Variants in ATG10 observed in about 807,000 individuals in gnomAD.
ATG10 encodes the protein autophagy related 10, also known as ubiquitin-like-conjugating enzyme ATG10.
Under a neutral mutation model 32.1 loss-of-function variants are expected in ATG10, and 30 were observed. The ratio of observed to expected loss-of-function variants is 0.94; its 90% confidence interval spans 0.70 to 1.27. The LOEUF is 1.27. Among genes scored for constraint, ATG10 ranks in the 50% most tolerant of loss-of-function variants. The probability of loss-of-function intolerance (pLI) is 0.00; values close to 1 mark genes in which losing one functional copy is unlikely to be tolerated. For synonymous variants in ATG10, 87 were observed against 91.5 expected (o/e 0.95, Z 0.28); for missense variants, 233 against 262.3 (o/e 0.89, Z 0.77).
intron 2 of ATG10, among the ~76,000 whole-genome samples, chr5:82,009,259 G>T (rs1762063377): frequency 6.6e-6 from 1 of 152,096 alleles, no homozygotes; most frequent in African/African-American, 2.4e-5. Context: ...TTGCCATTGA[G>T]TTCCAGTTAA....
intron 3 of ATG10, among the ~76,000 whole-genome samples, chr5:82,097,074 A>G (rs1240326737): frequency 6.6e-6 from 1 of 152,138 alleles, no homozygotes; most frequent in Non-Finnish European, 1.5e-5. Flanking sequence ...ATGGTTCGTT[A>G]TATCTAAAAT....
chr5:82,004,632 A>C (rs1217993544), intron 2 of ATG10, among the ~76,000 whole-genome samples: 1 of 152,202 alleles, frequency 6.6e-6, no homozygotes, highest in African/African-American at 2.4e-5. Flanking sequence ...TATCCTATCC[A>C]GGCAGCAACC....
intron 5 of ATG10, among the ~76,000 whole-genome samples, chr5:82,196,099 A>G (rs1282618996): frequency 1.3e-4 from 20 of 152,182 alleles, no homozygotes. Flanking sequence ...GGTGTGAAGT[A>G]TCCAATTGTG....
chr5:82,120,914 C>A (rs934694291), intron 3 of ATG10, among the ~76,000 whole-genome samples: 1 of 152,270 alleles, frequency 6.6e-6, no homozygotes, highest in South Asian at 2.1e-4. Context: ...ATATTTTTGA[C>A]AGGAAGATAC....
At chr5:82,035,084 G>T (rs1261825976) in intron 2 of ATG10, among the ~76,000 whole-genome samples, 1 of 151,888 alleles carries the variant, frequency 6.6e-6, no homozygotes. Flanking sequence ...ACCAATTTTT[G>T]CATTTTTAGT....
In ATG10 at chr5:82,178,513, G is replaced by A. The variant is rs1744116832; in HGVS notation, c.379G>A (p.Asp127Asn). ...FLDGRPLTLKDIWEGVHECYK... is the reference protein window; with the variant it reads ...FLDGRPLTLKNIWEGVHECYK... ...AGATGGGAGACCTTTAACTCTGAAG[G>A]ACATATGGGAAGGAGTTCATGAGTG... The change falls in exon 5 of 8, where the codon GAC becomes AAC. Residue 127 changes from aspartate to asparagine, a missense_variant. Physicochemically the swap from Asp to Asn is conservative, Grantham distance 23. Transcript: ENST00000282185. The A allele has an allele frequency of 1.2e-6, 2 of 1,611,274 alleles. No homozygotes were observed. The highest frequency in any genetic ancestry group is 1.1e-5 in the South Asian group (1 of 90,980).
intron 3 of ATG10, among the ~76,000 whole-genome samples, chr5:82,095,839 T>A (rs1437176978): frequency 6.6e-6 from 1 of 152,190 alleles, no homozygotes; most frequent in Non-Finnish European, 1.5e-5. Flanking sequence ...ATAAGCTGGC[T>A]CTGAAGAACA....
At chr5:82,187,945 G>C (rs1744518106) in intron 5 of ATG10, among the ~76,000 whole-genome samples, 1 of 152,124 alleles carries the variant, frequency 6.6e-6, no homozygotes, top group Non-Finnish European at 1.5e-5. Flanking sequence ...TTTGTGGAAA[G>C]TCCTAAATGC....
intron 3 of ATG10, among the ~76,000 whole-genome samples, chr5:82,108,426 A>G (rs1765505912): frequency 1.3e-5 from 2 of 151,940 alleles, no homozygotes; most frequent in African/African-American, 2.4e-5. Flanking sequence ...CTGCTCTTAT[A>G]TAATATTTAT....
At position 82,180,444 on chromosome 5, in the gene ATG10, G is replaced by A. The variant is rs545007893; in HGVS notation, c.453+1857G>A. On this transcript the variant is annotated intron_variant, in intron 5 of 7. Coordinates refer to ENST00000282185, the MANE Select transcript of ATG10 (RefSeq NM_031482.5). ...GTAGACCAGGCATTGGTGGTGCTGT[G>A]AAGAAGGATAATGTGAAATATGAGA... Among the ~76,000 whole-genome samples the A allele has an allele frequency of 3.3e-5, 5 of 152,240 alleles. No individual in the cohort carries two copies. In the South Asian group the frequency reaches 8.3e-4, roughly 25 times the overall value.
chr5:82,002,039 A>G (rs1483949372), intron 2 of ATG10, among the ~76,000 whole-genome samples: 1 of 152,200 alleles, frequency 6.6e-6, no homozygotes, highest in African/African-American at 2.4e-5. Flanking sequence ...ATGAGGAAAC[A>G]CTCAACATCA....
intron 3 of ATG10, among the ~76,000 whole-genome samples, chr5:82,127,028 G>A (rs1414277007): frequency 6.6e-6 from 1 of 152,156 alleles, no homozygotes; most frequent in Non-Finnish European, 1.5e-5. Context: ...ATTTGTCTAG[G>A]AAATTATCCA....
chr5:82,066,482 G>A lies in ATG10; in HGVS notation c.216+7880G>A, dbSNP rs552409532. ...TGAAAATGATAGAGTCATAAAAATG[G>A]CAATAATATACTAGTGGAAGAAAAG... On this transcript the variant is annotated intron_variant, in intron 3 of 7. Coordinates refer to ENST00000282185, the MANE Select transcript of ATG10 (RefSeq NM_031482.5). 4.1e-4 allele frequency among the ~76,000 whole-genome samples: 63 copies of A among 152,146 alleles called. No homozygotes were observed. In the South Asian group the frequency reaches 0.011, roughly 26 times the overall value.
At chr5:82,086,330 G>A (rs900039788) in intron 3 of ATG10, among the ~76,000 whole-genome samples, 2 of 151,876 alleles carry the variant, frequency 1.3e-5, no homozygotes, top group African/African-American at 4.8e-5. Flanking sequence ...ATGAAATAAT[G>A]GAATAAAATT....
rs1232934547 is a variant in ATG10, at chr5:81,984,414, G to A, written c.-12-3145G>A. On this transcript the variant is annotated intron_variant, in intron 1 of 7. Coordinates refer to ENST00000282185, the MANE Select transcript of ATG10 (RefSeq NM_031482.5). ...TTCGGCTCAGCATCAGAGGGAGACC[G>A]TGGGGAGAGGGAGAGGGAGAGGGAG... Among the ~76,000 whole-genome samples the A allele has an allele frequency of 5.3e-5, 8 of 152,360 alleles. No individual in the cohort carries two copies. In the South Asian group the frequency reaches 8.3e-4, roughly 16 times the overall value.
chr5:82,162,644 A>G (rs1156446090), intron 3 of ATG10, among the ~76,000 whole-genome samples: 1 of 152,132 alleles, frequency 6.6e-6, no homozygotes, highest in South Asian at 2.1e-4. Flanking sequence ...TCAACCTAAA[A>G]TATCTGGCAA....
intron 5 of ATG10, among the ~76,000 whole-genome samples, chr5:82,195,037 C>T (rs16899410): frequency 0.011 from 1,745 of 152,286 alleles, 40 homozygotes; most frequent in African/African-American, 0.04. Flanking sequence ...TATTCACAGT[C>T]TGCTTTCACT....
chr5:82,130,680 G>A (rs1351248362), intron 3 of ATG10, among the ~76,000 whole-genome samples: 1 of 152,094 alleles, frequency 6.6e-6, no homozygotes, highest in Non-Finnish European at 1.5e-5. Flanking sequence ...TGCACCCACT[G>A]TCTAACCAGT....
intron 3 of ATG10, among the ~76,000 whole-genome samples, chr5:82,152,757 A>G (rs1767654547): frequency 6.6e-6 from 1 of 152,182 alleles, no homozygotes; most frequent in South Asian, 2.1e-4. Flanking sequence ...TACAAAATAT[A>G]TCATATAGAA....
Sources: allele counts gnomAD v4.1 joint callset (sites outside exome capture counted in the v4.1 genomes callset), GRCh38; gene constraint gnomAD v4.1.1; transcripts MANE v1.5; gene names NCBI Gene and HGNC (gene_info 2026-07-23, HGNC 2026-07-21).